CASR: variants seen among roughly 807,000 people sequenced by gnomAD.
The protein encoded by CASR is extracellular calcium-sensing receptor.
Under a neutral mutation model 69.1 loss-of-function variants are expected in CASR, and 23 were observed. That is an observed-to-expected ratio of 0.33 (90% CI 0.24 to 0.47). CASR has a LOEUF of 0.47. Among genes scored for constraint, CASR ranks in the 20% least tolerant of loss-of-function variants. The pLI is 1.00. For missense variants in CASR, 924 were observed against 1,356.1 expected (o/e 0.68, Z 5.00); for synonymous variants, 541 against 544.7 (o/e 0.99, Z 0.10).
At chr3:122,208,532 GAA>G (rs962886740) in intron 1 of CASR, among the ~76,000 whole-genome samples, 28 of 152,084 alleles carry the variant, frequency 1.8e-4, no homozygotes, top group African/African-American at 6.3e-4. Flanking sequence ...ATTTTTAAAG[GAA>G]AGACTTTTAA....
At chr3:122,227,164 C>T (rs986959103) in intron 1 of CASR, among the ~76,000 whole-genome samples, 3 of 152,262 alleles carry the variant, frequency 2.0e-5, no homozygotes, top group East Asian at 1.9e-4. Context: ...CAGTGGATCC[C>T]GCACCGGGAC....
chr3:122,229,553 C>T (rs1009647624), intron 1 of CASR, among the ~76,000 whole-genome samples: 2 of 148,494 alleles, frequency 1.3e-5, no homozygotes, highest in African/African-American at 5.0e-5. Context: ...AAAGTTTGCA[C>T]ACTAAAAATT....
At chr3:122,197,148 T>C (rs1553760902) in intron 1 of CASR, among the ~76,000 whole-genome samples, 2 of 152,206 alleles carry the variant, frequency 1.3e-5, no homozygotes, top group Non-Finnish European at 2.9e-5. Context: ...TTGGTGTTTT[T>C]ATGCTAACTC....
At chr3:122,194,207 C>A (rs2073865747) in intron 1 of CASR, among the ~76,000 whole-genome samples, 1 of 152,196 alleles carries the variant, frequency 6.6e-6, no homozygotes, top group African/African-American at 2.4e-5. Flanking sequence ...CCTTCTATAA[C>A]ATGAAGTGTC....
rs139417576 is a variant in CASR, at chr3:122,284,191, C to T, written c.2237C>T (p.Ala746Val). The T allele has an allele frequency of 2.8e-5, 45 of 1,613,934 alleles. No individual in the cohort carries two copies. The African/African-American group carries it at 5.3e-4, about 19-fold the overall frequency. ...ATCTGTGTGATCTGGCTCTACACCGCGCCCCCGTCAAGCTACCGCAACCAG... is the reference window on the plus strand; with the variant it reads ...ATCTGTGTGATCTGGCTCTACACCGTGCCCCCGTCAAGCTACCGCAACCAG... ...IVICVIWLYT[A>V]PPSSYRNQEL... Residue 746 changes from alanine to valine, a missense_variant, in exon 7 of 7, where the codon GCG (alanine) becomes GTG (valine). Physicochemically the swap from Ala to Val is moderately conservative, Grantham distance 64. Around this residue, in one of 8 missense-constraint regions of CASR, gnomAD observed 184 missense variants for 278.8 expected, o/e 0.66. Coordinates refer to ENST00000639785, the MANE Select transcript of CASR (RefSeq NM_000388.4).
At chr3:122,254,779 G>C (rs1261071702) in intron 2 of CASR, among the ~76,000 whole-genome samples, 2 of 152,094 alleles carry the variant, frequency 1.3e-5, no homozygotes, top group African/African-American at 4.8e-5. Context: ...CTGAGTGCTG[G>C]CTGCCTCACT....
intron 1 of CASR, among the ~76,000 whole-genome samples, chr3:122,203,489 T>A (rs1310002165): frequency 6.6e-6 from 1 of 152,160 alleles, no homozygotes; most frequent in Non-Finnish European, 1.5e-5. Flanking sequence ...TGTGGGCAGT[T>A]GTAACACAGT....
chr3:122,272,378 T>G (rs1355354455), intron 4 of CASR, among the ~76,000 whole-genome samples: 1 of 152,220 alleles, frequency 6.6e-6, no homozygotes, highest in African/African-American at 2.4e-5. Context: ...AGTACATACA[T>G]GATTCTTGAG....
At position 122,227,343 on chromosome 3, in the gene CASR, G is replaced by A. The variant is rs569486367; in HGVS notation, c.-242-26605G>A. Reference sequence around the variant, plus strand: ...GGTGGGGAGGGCTCAGGCATGGCGGGCTGCAGGTCCCAAGCCCTGCCCCAC... The same window carrying A: ...GGTGGGGAGGGCTCAGGCATGGCGGACTGCAGGTCCCAAGCCCTGCCCCAC... On this transcript the variant is annotated intron_variant, in intron 1 of 6. Coordinates refer to ENST00000639785, the MANE Select transcript of CASR (RefSeq NM_000388.4). Among the ~76,000 whole-genome samples, 3 of 152,336 alleles carry A rather than the reference G, an allele frequency of 2.0e-5. No individual in the cohort carries two copies. In the South Asian group the frequency reaches 6.2e-4, roughly 32 times the overall value.
chr3:122,253,963 G>A lies in CASR; in HGVS notation c.-227G>A. ...TTTCTTTTAGAAGGCATCACAGGAG[G>A]CCTCTGCATGATGTGGCTTCCAAAG... On this transcript the variant is annotated 5_prime_UTR_variant, in exon 2 of 7. Coordinates refer to ENST00000639785, the MANE Select transcript of CASR (RefSeq NM_000388.4). 1.7e-6 allele frequency: 1 copy of A among 581,832 alleles called. No individual in the cohort carries two copies. 36.0% of individuals were successfully genotyped at this position (581,832 alleles called of 1,614,324 possible). A position where few individuals can be genotyped will look rare whatever the true frequency, so the allele number is the denominator to read the frequency against.
At chr3:122,259,112 G>T (rs1402008131) in intron 3 of CASR, among the ~76,000 whole-genome samples, 2 of 152,008 alleles carry the variant, frequency 1.3e-5, no homozygotes, top group Non-Finnish European at 2.9e-5. Flanking sequence ...TTTTTTGGGG[G>T]GTTGGGGCAC....
intron 1 of CASR, among the ~76,000 whole-genome samples, chr3:122,200,253 T>A (rs2073928883): frequency 6.6e-6 from 1 of 152,196 alleles, no homozygotes; most frequent in African/African-American, 2.4e-5. Flanking sequence ...TGATAAAGTA[T>A]TGAGGTGATG....
chr3:122,189,448 T>C (rs2073819626), intron 1 of CASR, among the ~76,000 whole-genome samples: 1 of 152,238 alleles, frequency 6.6e-6, no homozygotes, highest in Admixed American at 6.5e-5. Context: ...TTGGGTTAAG[T>C]AACCTGAATT....
intron 1 of CASR, among the ~76,000 whole-genome samples, chr3:122,202,937 A>G (rs956293750): frequency 6.6e-6 from 1 of 152,210 alleles, no homozygotes; most frequent in African/African-American, 2.4e-5. Context: ...AATACACAGT[A>G]CCATCTGTCA....
intron 1 of CASR, among the ~76,000 whole-genome samples, chr3:122,231,937 G>A (rs2074282742): frequency 6.6e-6 from 1 of 152,156 alleles, no homozygotes; most frequent in Admixed American, 6.5e-5. Context: ...TGATTCAGGG[G>A]TGTGAAGGGC....
chr3:122,202,170 A>T (rs2073962073), intron 1 of CASR, among the ~76,000 whole-genome samples: 1 of 152,234 alleles, frequency 6.6e-6, no homozygotes, highest in Admixed American at 6.5e-5. Flanking sequence ...CAATCCCGGC[A>T]CCTCGGGAGG....
intron 1 of CASR, among the ~76,000 whole-genome samples, chr3:122,232,359 C>T (rs911888092): frequency 6.6e-6 from 1 of 152,124 alleles, no homozygotes; most frequent in Non-Finnish European, 1.5e-5. Flanking sequence ...CCTGGAGAAC[C>T]AGGAGGGGCT....
At chr3:122,271,234 T>C (rs965516415) in intron 4 of CASR, among the ~76,000 whole-genome samples, 2 of 152,180 alleles carry the variant, frequency 1.3e-5, no homozygotes, top group Non-Finnish European at 2.9e-5. Context: ...GGTTTGAGTA[T>C]CCACTAAAAT....
intron 1 of CASR, among the ~76,000 whole-genome samples, chr3:122,227,239 G>A (rs1038551858): frequency 2.0e-5 from 3 of 152,250 alleles, no homozygotes; most frequent in Admixed American, 6.5e-5. Flanking sequence ...GGCGGTTGGC[G>A]GGACTGGGCT....
Sources: gnomAD v4.1 joint callset for allele counts (sites outside exome capture counted in the v4.1 genomes callset) on GRCh38, gnomAD v4.1.1 for gene constraint, gnomAD v4.1.1 regional missense constraint, MANE v1.5 for transcripts, NCBI Gene and HGNC (gene_info 2026-07-23, HGNC 2026-07-21) for gene names.